Variants in SIK3 observed in about 807,000 individuals in gnomAD.
The protein encoded by SIK3 is serine/threonine-protein kinase SIK3.
Under a neutral mutation model 144.2 loss-of-function variants are expected in SIK3, and 28 were observed. The ratio of observed to expected loss-of-function variants is 0.19; its 90% CI spans 0.14 to 0.27. The LOEUF is 0.27. Ranked by LOEUF, SIK3 falls within the 10% of genes least tolerant of loss-of-function variation. The pLI, the probability that SIK3 is intolerant of heterozygous loss-of-function variation, is 1.00. For missense variants in SIK3, 1,319 were observed against 1,776.0 expected (o/e 0.74, Z 4.62); for synonymous variants, 686 against 676.3 (o/e 1.01, Z -0.22).
intron 1 of SIK3, among the ~76,000 whole-genome samples, chr11:117,092,044 C>CG (rs764954737): frequency 1.1e-4 from 16 of 151,770 alleles, no homozygotes; most frequent in Non-Finnish European, 2.1e-4. Flanking sequence ...CATGCCCCCC[C>CG]AAAGCACTGG....
At chr11:117,096,919 C>T (rs1255815663) in intron 1 of SIK3, among the ~76,000 whole-genome samples, 2 of 152,314 alleles carry the variant, frequency 1.3e-5, no homozygotes, top group Non-Finnish European at 2.9e-5. Context: ...TAGGAGGCGG[C>T]AGCAGCTGTA....
intron 1 of SIK3, among the ~76,000 whole-genome samples, chr11:117,047,933 C>T (rs555212499): frequency 4.6e-5 from 7 of 152,230 alleles, no homozygotes; most frequent in African/African-American, 1.4e-4. Flanking sequence ...ATGTAAAACA[C>T]TGAGAACAAT....
At chr11:116,981,244 A>T (rs1045270848) in intron 1 of SIK3, among the ~76,000 whole-genome samples, 5 of 152,216 alleles carry the variant, frequency 3.3e-5, no homozygotes, top group Non-Finnish European at 7.3e-5. Context: ...GAACTGAAGG[A>T]TCCACTTGCA....
intron 21 of SIK3, among the ~76,000 whole-genome samples, chr11:116,850,367 C>A (rs1942330719): frequency 6.6e-6 from 1 of 152,222 alleles, no homozygotes; most frequent in Admixed American, 6.5e-5. Flanking sequence ...CATCTATGCA[C>A]AATTCTATGC....
chr11:116,933,606 A>G (rs982808667), intron 3 of SIK3, among the ~76,000 whole-genome samples: 2 of 152,198 alleles, frequency 1.3e-5, no homozygotes, highest in Non-Finnish European at 2.9e-5. Context: ...TTATATGAAT[A>G]TAAGTTTGCA....
intron 4 of SIK3, among the ~76,000 whole-genome samples, chr11:116,910,778 A>T (rs1946297427): frequency 6.6e-6 from 1 of 152,206 alleles, no homozygotes; most frequent in South Asian, 2.1e-4. Context: ...AGGAAAAAAA[A>T]TCCAGAAGAA....
In SIK3 at chr11:116,875,847, C is replaced by T; in HGVS notation, c.1239+19G>A. ...TGGTGTTACTTGTCCTGAACTAGGT[C>T]ACTGGAGTTATTGCCCACCTGGATA... is the stretch of plus-strand genomic sequence containing the variant. On this transcript the variant is annotated intron_variant, in intron 9 of 24. Transcript: ENST00000445177. 6.3e-7 allele frequency: 1 copy of T among 1,594,516 alleles called. No individual in the cohort carries two copies. Among genetic ancestry groups the T allele is most frequent in the Non-Finnish European group, 8.5e-7 (1 of 1,174,314 alleles).
chr11:116,931,502 C>G (rs1368991024), intron 3 of SIK3, among the ~76,000 whole-genome samples: 1 of 152,208 alleles, frequency 6.6e-6, no homozygotes, highest in Non-Finnish European at 1.5e-5. Flanking sequence ...TCTGCTAAGT[C>G]TACAACTCAT....
intron 6 of SIK3, among the ~76,000 whole-genome samples, chr11:116,881,535 A>AT (rs956688821): frequency 2.0e-5 from 3 of 151,806 alleles, no homozygotes; most frequent in East Asian, 1.9e-4. Flanking sequence ...TGAAAGCAAC[A>AT]TTTTTTTTCT....
At chr11:116,947,937 C>CTTT (rs548891642) in intron 3 of SIK3, among the ~76,000 whole-genome samples, 2,616 of 133,828 alleles carry the variant, frequency 0.02, 103 homozygotes, top group African/African-American at 0.067. Context: ...TCTAAGCTGA[C>CTTT]TTTTTTTTTT....
chr11:117,030,739 C>A (rs543548205), intron 1 of SIK3, among the ~76,000 whole-genome samples: 34 of 152,272 alleles, frequency 2.2e-4, no homozygotes, highest in Non-Finnish European at 4.6e-4. Context: ...GGCAGGACTA[C>A]AGCTCACTGC....
intron 1 of SIK3, among the ~76,000 whole-genome samples, chr11:117,036,433 A>C (rs1952507638): frequency 6.6e-6 from 1 of 152,178 alleles, no homozygotes; most frequent in African/African-American, 2.4e-5. Context: ...GTGAAGAAAG[A>C]AGCCTTAAAA....
intron 1 of SIK3, among the ~76,000 whole-genome samples, chr11:117,061,695 A>G (rs1312420442): frequency 6.6e-6 from 1 of 152,214 alleles, no homozygotes; most frequent in African/African-American, 2.4e-5. Context: ...CTTCATTTTA[A>G]TAAGATCCTC....
At chr11:116,965,298 T>G (rs986829876) in intron 1 of SIK3, among the ~76,000 whole-genome samples, 5 of 152,110 alleles carry the variant, frequency 3.3e-5, no homozygotes, top group Non-Finnish European at 1.5e-5. Context: ...TTGTTATTGT[T>G]GCAAAGTGCC....
Position 117,098,302 on chromosome 11 carries a change from G to T in SIK3, c.114C>A (p.Pro38=). 8.5e-7 allele frequency: 1 copy of T among 1,177,918 alleles called. No homozygotes were observed. The highest frequency in any genetic ancestry group is 1.0e-6 in the Non-Finnish European group (1 of 955,372). 73.0% of individuals were successfully genotyped at this position (1,177,918 alleles called of 1,614,324 possible). A position where few individuals can be genotyped will look rare whatever the true frequency, so the allele number is the denominator to read the frequency against. ...GGCCGGCCGCAGGGGACACGGCAGC[G>T]GGGGCGGCTGGGGACCCCGGCGCGG... ...PPPAPGSPAA[P]AAVSPAAGQP... is the part of the protein sequence containing the mutation. The change falls in exon 1 of 25, where the codon CCC becomes CCA. Residue 38 remains proline, a synonymous_variant. Transcript: ENST00000445177.
chr11:117,060,868 A>T (rs1953760640), intron 1 of SIK3, among the ~76,000 whole-genome samples: 1 of 152,186 alleles, frequency 6.6e-6, no homozygotes, highest in Admixed American at 6.5e-5. Context: ...TATCAGGGAA[A>T]ATCGTGAGGA....
intron 1 of SIK3, among the ~76,000 whole-genome samples, chr11:116,958,829 G>A (rs1263132479): frequency 6.6e-6 from 1 of 152,076 alleles, no homozygotes; most frequent in South Asian, 2.1e-4. Flanking sequence ...TCACATACAA[G>A]ACCTTAACTC....
chr11:116,943,040 T>C (rs1203481893), intron 3 of SIK3, among the ~76,000 whole-genome samples: 7 of 152,148 alleles, frequency 4.6e-5, no homozygotes, highest in Non-Finnish European at 1.0e-4. Flanking sequence ...TGGTGATAAG[T>C]GATTGAATTC....
At chr11:116,965,786 TTAGC>T (rs1949522653) in intron 1 of SIK3, among the ~76,000 whole-genome samples, 2 of 135,212 alleles carry the variant, frequency 1.5e-5, no homozygotes, top group Admixed American at 1.5e-4. Context: ...TATATATAAA[TTAGC>T]CAAACATGGT....
Sources: allele counts gnomAD v4.1 joint callset (sites outside exome capture counted in the v4.1 genomes callset), GRCh38; gene constraint gnomAD v4.1.1; transcripts MANE v1.5; gene names NCBI Gene and HGNC (gene_info 2026-07-23, HGNC 2026-07-21).